RCL1: variants seen among roughly 807,000 people sequenced by gnomAD.
RCL1 encodes RNA 3'-terminal phosphate cyclase-like protein.
In RCL1, 24 loss-of-function variants were observed where a neutral mutation model predicts 42.4. That is an observed-to-expected ratio of 0.57 (90% CI 0.41 to 0.80). RCL1 has a LOEUF of 0.80. RCL1 is among the 30% of genes least tolerant of loss of function. The pLI is 0.00. For synonymous variants in RCL1, 228 were observed against 177.3 expected, an observed-to-expected ratio of 1.29 and a Z score of -2.27; for missense variants, 578 against 467.9, an observed-to-expected ratio of 1.24 and a Z score of -2.17.
chr9:4,814,314 G>A (rs1439257608), intron 1 of RCL1, among the ~76,000 whole-genome samples: 1 of 151,962 alleles, frequency 6.6e-6, no homozygotes, highest in Admixed American at 6.6e-5. Context: ...GATAGGGTCT[G>A]ACTTTGTTGC....
intron 2 of RCL1, among the ~76,000 whole-genome samples, chr9:4,825,306 A>T (rs754996305): frequency 1.3e-5 from 2 of 152,180 alleles, no homozygotes; most frequent in Non-Finnish European, 2.9e-5. Context: ...CTTCATTCTG[A>T]TGATCTGGCC....
At chr9:4,810,584 GC>G (rs1281362696) in intron 1 of RCL1, among the ~76,000 whole-genome samples, 4 of 151,874 alleles carry the variant, frequency 2.6e-5, no homozygotes, top group Non-Finnish European at 5.9e-5. Flanking sequence ...TGAAAATTTG[GC>G]TTGTTTCCAC....
chr9:4,834,825 G>A (rs1241588346), intron 5 of RCL1, among the ~76,000 whole-genome samples: 1 of 152,156 alleles, frequency 6.6e-6, no homozygotes, highest in Admixed American at 6.5e-5. Flanking sequence ...TGACCCTTGA[G>A]TTCACTTACA....
At chr9:4,811,438 C>T (rs1456351029) in intron 1 of RCL1, among the ~76,000 whole-genome samples, 1 of 152,132 alleles carries the variant, frequency 6.6e-6, no homozygotes, top group Non-Finnish European at 1.5e-5. Context: ...CCCTCCCTTT[C>T]CCCGCCTCTA....
chr9:4,794,302 G>T (rs554589567), intron 1 of RCL1, among the ~76,000 whole-genome samples: 1 of 152,184 alleles, frequency 6.6e-6, no homozygotes, highest in Non-Finnish European at 1.5e-5. Flanking sequence ...TGCTATTGAC[G>T]GAGATAGGTT....
intron 1 of RCL1, among the ~76,000 whole-genome samples, chr9:4,814,399 C>T (rs1816297930): frequency 6.6e-6 from 1 of 152,028 alleles, no homozygotes; most frequent in Admixed American, 6.6e-5. Context: ...TCTTTCCGGC[C>T]TGGTCTCCCT....
intron 1 of RCL1, among the ~76,000 whole-genome samples, chr9:4,821,181 G>T (rs1003869883): frequency 2.6e-5 from 4 of 152,152 alleles, no homozygotes; most frequent in Non-Finnish European, 5.9e-5. Context: ...CCCAGCGTTT[G>T]TGAGCCTGAA....
At chr9:4,811,902 G>A (rs1816191257) in intron 1 of RCL1, among the ~76,000 whole-genome samples, 1 of 152,280 alleles carries the variant, frequency 6.6e-6, no homozygotes, top group East Asian at 1.9e-4. Context: ...TAACTGGGGT[G>A]AGATGATATC....
intron 2 of RCL1, 105 bp from the exon 3 acceptor site, chr9:4,826,753 G>A: frequency 7.1e-6 from 7 of 981,050 alleles, no homozygotes; most frequent in Admixed American, 2.3e-5. Flanking sequence ...GAGCACTCTT[G>A]GATGCCCTTG....
intron 1 of RCL1, among the ~76,000 whole-genome samples, chr9:4,810,188 A>G (rs1472433936): frequency 6.6e-6 from 1 of 152,024 alleles, no homozygotes; most frequent in Non-Finnish European, 1.5e-5. Context: ...TTTTAAGTAA[A>G]TTTTTACCGA....
chr9:4,827,077 C>G (rs774464363), intron 3 of RCL1, 44 bp downstream of exon 3: 22 of 1,613,002 alleles, frequency 1.4e-5, no homozygotes, highest in Non-Finnish European at 1.9e-5. Context: ...TGTTTTGTCT[C>G]TTGTCACAAC....
chr9:4,798,883 T>C (rs938318591), intron 1 of RCL1, among the ~76,000 whole-genome samples: 8 of 151,710 alleles, frequency 5.3e-5, no homozygotes, highest in African/African-American at 1.7e-4. Flanking sequence ...TTCTTCTTTT[T>C]TTTTTTTTTT....
intron 1 of RCL1, among the ~76,000 whole-genome samples, chr9:4,797,683 A>G (rs910947565): frequency 1.3e-5 from 2 of 152,208 alleles, no homozygotes; most frequent in Non-Finnish European, 2.9e-5. Context: ...TGACAGTAGT[A>G]ATTAAACCTT....
chr9:4,824,901 A>C (rs978152177), intron 2 of RCL1, among the ~76,000 whole-genome samples: 1 of 152,210 alleles, frequency 6.6e-6, no homozygotes, highest in Middle Eastern at 3.4e-3. Flanking sequence ...CAGAAGACGG[A>C]TAATTCTATT....
chr9:4,827,087 C>G, intron 3 of RCL1, 54 bp downstream of exon 3: 1 of 1,611,404 alleles, frequency 6.2e-7, no homozygotes. Context: ...CTTGTCACAA[C>G]CCAACTTGTG....
intron 8 of RCL1, among the ~76,000 whole-genome samples, chr9:4,856,524 T>C (rs1817968115): frequency 6.6e-6 from 1 of 152,138 alleles, no homozygotes; most frequent in Non-Finnish European, 1.5e-5. Context: ...GGGTTCAGTG[T>C]TGGAGAAAAG....
At chr9:4,799,273 C>T (rs778405414) in intron 1 of RCL1, among the ~76,000 whole-genome samples, 2 of 151,826 alleles carry the variant, frequency 1.3e-5, no homozygotes, top group Non-Finnish European at 2.9e-5. Context: ...AGTGCCTGGC[C>T]GTAAGTGCTA....
intron 1 of RCL1, among the ~76,000 whole-genome samples, chr9:4,813,032 C>G (rs974858418): frequency 6.6e-6 from 1 of 152,140 alleles, no homozygotes; most frequent in Non-Finnish European, 1.5e-5. Context: ...GCTTAACTTC[C>G]TCCTTCCCGA....
chr9:4,833,555 TA>T, intron 4 of RCL1, among the ~76,000 whole-genome samples: 1 of 152,246 alleles, frequency 6.6e-6, no homozygotes, highest in Non-Finnish European at 1.5e-5. Flanking sequence ...ATTTGGGCCA[TA>T]TTGGCTCTCT....
Sources: allele counts gnomAD v4.1 joint callset (sites outside exome capture counted in the v4.1 genomes callset), GRCh38; gene constraint gnomAD v4.1.1; transcripts MANE v1.5; gene names NCBI Gene and HGNC (gene_info 2026-07-23, HGNC 2026-07-21).